The following ME1 variants were observed in gnomAD, a reference collection of about 807,000 sequenced individuals.
ME1 encodes the protein malic enzyme 1, also known as NADP-dependent malic enzyme.
A neutral mutation model predicts 66.4 loss-of-function variants in ME1; 74 were observed. The observed-to-expected ratio is 1.11, with a 90% CI of 0.92 to 1.35. The LOEUF (loss-of-function observed/expected upper bound fraction) is 1.35. ME1 is among the 40% of genes most tolerant of loss of function. The pLI, the probability that ME1 is intolerant of heterozygous loss-of-function variation, is 0.00. For synonymous variants in ME1, 251 were observed against 235.6 expected (o/e 1.07, Z -0.60); for missense variants, 750 against 694.1 (o/e 1.08, Z -0.90).
chr6:83,243,081 T>C (rs1790537180), intron 7 of ME1, among the ~76,000 whole-genome samples: 2 of 150,792 alleles, frequency 1.3e-5, no homozygotes, highest in Non-Finnish European at 3.0e-5. Flanking sequence ...AACATAGAGA[T>C]ACCCATCTCT....
chr6:83,218,037 C>A (rs1790025738), intron 12 of ME1, among the ~76,000 whole-genome samples: 1 of 151,992 alleles, frequency 6.6e-6, no homozygotes, highest in Non-Finnish European at 1.5e-5. Flanking sequence ...GGGTGTTGAC[C>A]ATAATTTTAT....
intron 3 of ME1, among the ~76,000 whole-genome samples, chr6:83,363,197 G>A (rs987897787): frequency 3.9e-5 from 6 of 152,048 alleles, no homozygotes; most frequent in Admixed American, 6.5e-5. Context: ...ACAAGATTAC[G>A]TTCTGCTGGC....
intron 5 of ME1, among the ~76,000 whole-genome samples, chr6:83,334,342 GC>G (rs1259438109): frequency 9.2e-6 from 1 of 108,632 alleles, no homozygotes; most frequent in Non-Finnish European, 1.9e-5. Flanking sequence ...CTGATTGCTA[GC>G]ACAGCAGTCT....
intron 6 of ME1, among the ~76,000 whole-genome samples, chr6:83,303,098 G>A (rs1767757830): frequency 6.6e-6 from 1 of 152,192 alleles, no homozygotes; most frequent in South Asian, 2.1e-4. Flanking sequence ...TGAGATAAAT[G>A]CACAGGACAA....
chr6:83,398,983 T>A (rs1769793888), intron 2 of ME1, among the ~76,000 whole-genome samples: 1 of 152,024 alleles, frequency 6.6e-6, no homozygotes, highest in Admixed American at 6.6e-5. Context: ...CGGCTTATTT[T>A]TTATTTTATT....
intron 1 of ME1, among the ~76,000 whole-genome samples, chr6:83,414,565 C>G (rs549026099): frequency 2.7e-4 from 41 of 152,006 alleles, no homozygotes; most frequent in Non-Finnish European, 5.1e-4. Context: ...AGGATATAAG[C>G]AAGTGTAACA....
chr6:83,348,469 T>A (rs888773162), intron 4 of ME1, among the ~76,000 whole-genome samples: 1 of 152,036 alleles, frequency 6.6e-6, no homozygotes, highest in African/African-American at 2.4e-5. Flanking sequence ...ATAAGGAGAG[T>A]AATATTGTCA....
At chr6:83,396,466 A>T (rs1270360664) in intron 3 of ME1, among the ~76,000 whole-genome samples, 1 of 152,176 alleles carries the variant, frequency 6.6e-6, no homozygotes, top group Non-Finnish European at 1.5e-5. Context: ...TTGATGAAAA[A>T]AATTTAAGAC....
At chr6:83,229,264 C>T (rs9449595) in intron 9 of ME1, 60,436 of 410,734 alleles carry the variant, frequency 0.15, 6,178 homozygotes, top group African/African-American at 0.36. Context: ...TTATATTGTT[C>T]GTCACACATT....
chr6:83,298,931 G>GTTTTTTTTTTTGTTTTT (rs1767655657), intron 6 of ME1, among the ~76,000 whole-genome samples: 2 of 22,458 alleles, frequency 8.9e-5, no homozygotes, highest in Admixed American at 6.3e-4. Context: ...CTATGTGTCT[G>GTTTTTTTTTTTGTTTTT]TTTTTTTTTT....
intron 3 of ME1, among the ~76,000 whole-genome samples, chr6:83,376,181 T>G (rs1407951108): frequency 6.6e-6 from 1 of 152,178 alleles, no homozygotes; most frequent in Non-Finnish European, 1.5e-5. Context: ...GTTCTATAAA[T>G]TATTTCTCAG....
chr6:83,379,953 C>G (rs1158392110), intron 3 of ME1, among the ~76,000 whole-genome samples: 2 of 152,046 alleles, frequency 1.3e-5, no homozygotes, highest in Admixed American at 1.3e-4. Flanking sequence ...GAAGAGGAAA[C>G]TAAAGTTCAG....
At chr6:83,429,228 A>G (rs1253878454) in intron 1 of ME1, among the ~76,000 whole-genome samples, 1 of 152,148 alleles carries the variant, frequency 6.6e-6, no homozygotes, top group Non-Finnish European at 1.5e-5. Flanking sequence ...GCGCCACTGC[A>G]CTCCAACCTG....
chr6:83,408,498 T>G (rs1375048957), intron 1 of ME1, among the ~76,000 whole-genome samples: 1 of 152,220 alleles, frequency 6.6e-6, no homozygotes, highest in African/African-American at 2.4e-5. Context: ...CTGCCCTTTA[T>G]GTCTTACCTC....
intron 5 of ME1, among the ~76,000 whole-genome samples, chr6:83,322,470 T>A (rs1381037922): frequency 6.6e-6 from 1 of 152,064 alleles, no homozygotes; most frequent in African/African-American, 2.4e-5. Flanking sequence ...AATGACCTGA[T>A]GGACCTGAAA....
intron 9 of ME1, among the ~76,000 whole-genome samples, chr6:83,236,633 T>C (rs1008592063): frequency 1.3e-5 from 2 of 152,158 alleles, no homozygotes; most frequent in African/African-American, 2.4e-5. Context: ...CTCAAAATAA[T>C]ACTATGAAGT....
At chr6:83,316,503 C>T (rs909198608) in intron 5 of ME1, among the ~76,000 whole-genome samples, 1 of 151,846 alleles carries the variant, frequency 6.6e-6, no homozygotes, top group Non-Finnish European at 1.5e-5. Context: ...TCTTCACTTA[C>T]GATAGGGAAC....
intron 6 of ME1, among the ~76,000 whole-genome samples, chr6:83,296,503 T>G (rs1167586778): frequency 6.6e-6 from 1 of 152,194 alleles, no homozygotes; most frequent in Non-Finnish European, 1.5e-5. Flanking sequence ...AACTATGTAT[T>G]GAAGGAACAT....
intron 6 of ME1, among the ~76,000 whole-genome samples, chr6:83,261,644 T>C (rs1299644597): frequency 6.6e-6 from 1 of 152,028 alleles, no homozygotes; most frequent in African/African-American, 2.4e-5. Flanking sequence ...GGTTTCCAGT[T>C]AAACAGTGGA....
Sources: allele counts gnomAD v4.1 joint callset (sites outside exome capture counted in the v4.1 genomes callset), GRCh38; gene constraint gnomAD v4.1.1; transcripts MANE v1.5; gene names NCBI Gene and HGNC (gene_info 2026-07-23, HGNC 2026-07-21).